The following AGBL4 variants were observed in gnomAD, a reference collection of about 807,000 sequenced individuals.
AGBL4 encodes AGBL carboxypeptidase 4.
A neutral mutation model predicts 66.4 loss-of-function variants in AGBL4; 58 were observed. The ratio of observed to expected loss-of-function variants is 0.87; its 90% CI spans 0.71 to 1.09. The LOEUF is 1.09. AGBL4 is among the 50% of genes least tolerant of loss of function. AGBL4 has a pLI of 0.00. For synonymous variants in AGBL4, 234 were observed against 222.9 expected (o/e 1.05, Z -0.44); for missense variants, 579 against 631.0 (o/e 0.92, Z 0.88).
chr1:49,504,766 T>C (rs536729009), intron 3 of AGBL4, among the ~76,000 whole-genome samples: 11 of 152,184 alleles, frequency 7.2e-5, no homozygotes, highest in African/African-American at 2.6e-4. Flanking sequence ...AGGCAGAATA[T>C]ACTTGGGTCT....
chr1:48,962,409 C>G (rs192211353), intron 5 of AGBL4, among the ~76,000 whole-genome samples: 1 of 152,262 alleles, frequency 6.6e-6, no homozygotes, highest in East Asian at 1.9e-4. Context: ...AATGGAAGAG[C>G]TGGCATTGGG....
chr1:49,490,856 T>C (rs1647172765), intron 3 of AGBL4, among the ~76,000 whole-genome samples: 1 of 151,492 alleles, frequency 6.6e-6, no homozygotes, highest in Non-Finnish European at 1.5e-5. Flanking sequence ...AAACAAAAAC[T>C]CAATTAAAGA....
chr1:49,373,883 C>T (rs1159876428), intron 3 of AGBL4, among the ~76,000 whole-genome samples: 16 of 152,012 alleles, frequency 1.1e-4, no homozygotes. Context: ...TGACAAGTGG[C>T]CCGGTATATG....
chr1:49,007,806 A>C (rs1661992107), intron 5 of AGBL4, among the ~76,000 whole-genome samples: 1 of 151,758 alleles, frequency 6.6e-6, no homozygotes, highest in Non-Finnish European at 1.5e-5. Context: ...GAAATAAAAT[A>C]CTTTACAGAC....
At chr1:49,569,824 A>G (rs537115984) in intron 3 of AGBL4, among the ~76,000 whole-genome samples, 180 of 152,278 alleles carry the variant, frequency 1.2e-3, no homozygotes, top group Non-Finnish European at 2.3e-3. Context: ...CTTATGAGTG[A>G]GAACATATGA....
intron 3 of AGBL4, among the ~76,000 whole-genome samples, chr1:49,581,372 G>C (rs1349188623): frequency 6.6e-6 from 1 of 151,844 alleles, no homozygotes; most frequent in Non-Finnish European, 1.5e-5. Flanking sequence ...ATCTGTTGTT[G>C]GAAAATTATT....
At chr1:49,768,402 T>A (rs892003347) in intron 2 of AGBL4, among the ~76,000 whole-genome samples, 1 of 152,158 alleles carries the variant, frequency 6.6e-6, no homozygotes, top group African/African-American at 2.4e-5. Context: ...ATTCGCCACA[T>A]AAACAGAATT....
At chr1:49,332,956 TACTA>T (rs1645363382) in intron 3 of AGBL4, among the ~76,000 whole-genome samples, 2 of 152,214 alleles carry the variant, frequency 1.3e-5, no homozygotes, top group Admixed American at 1.3e-4. Flanking sequence ...ATGATCGCCA[TACTA>T]ACTGGCATGA....
chr1:49,071,747 A>C (rs1278355654), intron 4 of AGBL4, among the ~76,000 whole-genome samples: 1 of 151,950 alleles, frequency 6.6e-6, no homozygotes, highest in African/African-American at 2.4e-5. Context: ...AGTTCTGTAG[A>C]TGTATATTAG....
chr1:49,745,727 A>C (rs1650932535), intron 2 of AGBL4, among the ~76,000 whole-genome samples: 1 of 152,010 alleles, frequency 6.6e-6, no homozygotes, highest in South Asian at 2.1e-4. Context: ...ATATCAAGAA[A>C]GTCCCAAAAT....
chr1:49,279,914 G>C (rs1027836499), intron 3 of AGBL4, among the ~76,000 whole-genome samples: 12 of 152,164 alleles, frequency 7.9e-5, no homozygotes, highest in Non-Finnish European at 1.6e-4. Flanking sequence ...ACCATGCTAG[G>C]AGGATAGCGA....
At chr1:49,232,074 T>C (rs748952953) in intron 4 of AGBL4, among the ~76,000 whole-genome samples, 2 of 151,900 alleles carry the variant, frequency 1.3e-5, no homozygotes, top group Non-Finnish European at 2.9e-5. Flanking sequence ...TTCTGGGAGG[T>C]TGGGTAAGTG....
At chr1:48,836,671 T>C (rs1243070424) in intron 6 of AGBL4, among the ~76,000 whole-genome samples, 1 of 152,108 alleles carries the variant, frequency 6.6e-6, no homozygotes, top group African/African-American at 2.4e-5. Context: ...ATGATGATAA[T>C]GATGATGATA....
intron 4 of AGBL4, among the ~76,000 whole-genome samples, chr1:49,177,867 G>A (rs180824080): frequency 1.8e-4 from 27 of 152,230 alleles, no homozygotes; most frequent in Admixed American, 5.2e-4. Flanking sequence ...GAAACAAGAT[G>A]AGAATTAATG....
chr1:49,565,249 C>T (rs1644165067), intron 3 of AGBL4, among the ~76,000 whole-genome samples: 1 of 152,166 alleles, frequency 6.6e-6, no homozygotes, highest in Non-Finnish European at 1.5e-5. Flanking sequence ...TAGGTCTTGA[C>T]TCTATCCAAA....
chr1:49,884,392 CTATTAT>C (rs988145574), intron 1 of AGBL4, among the ~76,000 whole-genome samples: 8 of 151,606 alleles, frequency 5.3e-5, no homozygotes, highest in Non-Finnish European at 1.2e-4. Flanking sequence ...CTTATCATTA[CTATTAT>C]TAAGACACCT....
chr1:49,323,942 CT>C (rs1456477445), intron 3 of AGBL4, among the ~76,000 whole-genome samples: 4 of 152,072 alleles, frequency 2.6e-5, no homozygotes, highest in African/African-American at 7.2e-5. Context: ...TGCTTTTTCC[CT>C]GACAGTCTTT....
At position 49,638,261 on chromosome 1, in the gene AGBL4, A is replaced by C. The variant is rs1305798799; in HGVS notation, c.282+59052T>G. 3.9e-5 allele frequency among the ~76,000 whole-genome samples: 6 copies of C among 152,152 alleles called. No individual in the cohort carries two copies. The East Asian group carries it at 1.2e-3, about 29-fold the overall frequency. The stretch of plus-strand genomic sequence containing the variant: ...TTTGTCCTTTGTTTAGAAATAAATA[A>C]ACACTAAAATAATATATATTTCATA... On this transcript the variant is annotated intron_variant, in intron 3 of 13. Coordinates refer to ENST00000371839, the MANE Select transcript of AGBL4 (RefSeq NM_032785.4).
chr1:49,108,308 C>T (rs909744884), intron 4 of AGBL4, among the ~76,000 whole-genome samples: 3 of 152,068 alleles, frequency 2.0e-5, no homozygotes, highest in African/African-American at 2.4e-5. Flanking sequence ...GATACACCAG[C>T]GAATAAAACA....
Sources: gnomAD v4.1 joint callset for allele counts (sites outside exome capture counted in the v4.1 genomes callset) on GRCh38, gnomAD v4.1.1 for gene constraint, MANE v1.5 for transcripts, NCBI Gene and HGNC (gene_info 2026-07-23, HGNC 2026-07-21) for gene names.